TNIP1: variants seen among roughly 807,000 people sequenced by gnomAD.
TNIP1 encodes TNFAIP3-interacting protein 1.
Under a neutral mutation model 86.6 loss-of-function variants are expected in TNIP1, and 22 were observed. That is an observed-to-expected ratio of 0.25 (90% CI 0.18 to 0.36). The LOEUF (loss-of-function observed/expected upper bound fraction) is 0.36. Among genes scored for constraint, TNIP1 ranks in the 10% least tolerant of loss-of-function variants. The probability of loss-of-function intolerance (pLI) is 1.00; values close to 1 mark genes in which losing one functional copy is unlikely to be tolerated. For missense variants in TNIP1, 709 were observed against 820.6 expected, an observed-to-expected ratio of 0.86 and a Z score of 1.66; for synonymous variants, 294 against 313.0, an observed-to-expected ratio of 0.94 and a Z score of 0.64.
chr5:151,060,413 T>C lies in TNIP1; in HGVS notation c.358-18A>G, dbSNP rs745363514. 4 of 1,613,726 alleles carry C rather than the reference T, an allele frequency of 2.5e-6. No homozygotes were observed. In the South Asian group the frequency reaches 4.4e-5, roughly 18 times the overall value. The stretch of plus-strand genomic sequence containing the variant: ...GAGGTGCCCTGTGCAGAAAGGAAGT[T>C]AGGTGCTGCCCGAGAGAAAAACAGC... On this transcript the variant is annotated intron_variant, in intron 4 of 17. Coordinates refer to ENST00000521591, the MANE Select transcript of TNIP1 (RefSeq NM_006058.5).
intron 3 of TNIP1, 86 bp from the exon 4 acceptor site, chr5:151,062,298 G>T: frequency 7.9e-7 from 1 of 1,262,078 alleles, no homozygotes; most frequent in East Asian, 2.4e-5. Flanking sequence ...CTTGACAAAA[G>T]GGTTCTCAGA....
At chr5:151,035,461 T>C in intron 14 of TNIP1, 121 bp downstream of exon 14, 9 of 1,441,820 alleles carry the variant, frequency 6.2e-6, no homozygotes, top group Non-Finnish European at 3.8e-6. Flanking sequence ...CAAATATGAT[T>C]GCAGAGCTGG....
chr5:151,074,155 A>G (rs953805702), intron 1 of TNIP1, among the ~76,000 whole-genome samples: 6 of 152,188 alleles, frequency 3.9e-5, no homozygotes, highest in African/African-American at 7.2e-5. Flanking sequence ...TTTTTACATT[A>G]TATCTTTTGT....
intron 7 of TNIP1, among the ~76,000 whole-genome samples, chr5:151,050,953 A>C (rs867943773): frequency 6.6e-6 from 1 of 152,236 alleles, no homozygotes; most frequent in South Asian, 2.1e-4. Context: ...CTGGGATTAC[A>C]GGTGTGAGCC....
intron 9 of TNIP1, among the ~76,000 whole-genome samples, chr5:151,043,645 C>T (rs1475443025): frequency 2.0e-5 from 3 of 151,926 alleles, no homozygotes; most frequent in Non-Finnish European, 2.9e-5. Context: ...CATGGTGGCA[C>T]GCATCTATAG....
At chr5:151,073,984 C>T (rs77864279) in intron 1 of TNIP1, among the ~76,000 whole-genome samples, 5 of 152,110 alleles carry the variant, frequency 3.3e-5, no homozygotes, top group Admixed American at 6.5e-5. Context: ...AGAAGGACCT[C>T]GGTAAGGAAC....
chr5:151,044,385 C>T (rs1758855566), intron 9 of TNIP1, among the ~76,000 whole-genome samples: 1 of 151,868 alleles, frequency 6.6e-6, no homozygotes, highest in Non-Finnish European at 1.5e-5. Context: ...ATCTGTAAAG[C>T]AGTGTGTGTA....
rs78516596 is a variant in TNIP1 at position 151,048,092 on chromosome 5, T to C, written c.846+1732A>G. ...AGCCCTCCAAGGAAGGTCACCCCCT[T>C]TGAGAAAGGGGACAGACAGGCCTGC... On this transcript the variant is annotated intron_variant, in intron 8 of 17. Transcript: ENST00000521591. Among the ~76,000 whole-genome samples the C allele has an allele frequency of 7.4e-3, 1,121 of 152,108 alleles. 19 individuals are homozygous for C. Among genetic ancestry groups the C allele is most frequent in the African/African-American group, 0.026 (1,070 of 41,494 alleles).
chr5:151,064,131 G>A (rs1364662477), intron 2 of TNIP1, among the ~76,000 whole-genome samples: 2 of 152,354 alleles, frequency 1.3e-5, no homozygotes, highest in South Asian at 4.1e-4. Flanking sequence ...GCAAAGGGCT[G>A]CCTGCAGGGC....
chr5:151,048,032 A>G (rs1323986899), intron 8 of TNIP1, among the ~76,000 whole-genome samples: 1 of 152,202 alleles, frequency 6.6e-6, no homozygotes, highest in African/African-American at 2.4e-5. Context: ...CAGGCCTGTA[A>G]GCACACCATA....
intron 1 of TNIP1, among the ~76,000 whole-genome samples, chr5:151,074,309 A>AGAC (rs1763142900): frequency 6.6e-6 from 1 of 152,194 alleles, no homozygotes; most frequent in African/African-American, 2.4e-5. Context: ...GCTACTCCAG[A>AGAC]GACAGACGCA....
At chr5:151,073,449 C>T (rs533227354) in intron 1 of TNIP1, among the ~76,000 whole-genome samples, 1 of 152,126 alleles carries the variant, frequency 6.6e-6, no homozygotes, top group South Asian at 2.1e-4. Context: ...ACCATTCATT[C>T]GATGGAATAC....
chr5:151,045,626 G>T (rs1231935976), intron 9 of TNIP1, among the ~76,000 whole-genome samples: 1 of 152,174 alleles, frequency 6.6e-6, no homozygotes, highest in Non-Finnish European at 1.5e-5. Flanking sequence ...TTTAGGCCAT[G>T]CCCCACATGC....
intron 3 of TNIP1, 139 bp downstream of exon 3, chr5:151,063,474 A>C: frequency 1.5e-6 from 2 of 1,332,034 alleles, no homozygotes; most frequent in Admixed American, 4.5e-5. Context: ...TGGCAGCCAA[A>C]ACATGAATGG....
At chr5:151,070,590 CCAA>C (rs1762722009) in intron 1 of TNIP1, among the ~76,000 whole-genome samples, 1 of 152,198 alleles carries the variant, frequency 6.6e-6, no homozygotes, top group South Asian at 2.1e-4. Flanking sequence ...GCCACACTCA[CCAA>C]CAACTGGGAA....
chr5:151,062,736 G>A (rs1761739869), intron 3 of TNIP1, among the ~76,000 whole-genome samples: 1 of 152,162 alleles, frequency 6.6e-6, no homozygotes. Context: ...CACTCTGAGA[G>A]TGGACCTGGC....
At chr5:151,067,697 TC>T (rs1334515830) in intron 1 of TNIP1, among the ~76,000 whole-genome samples, 1 of 152,220 alleles carries the variant, frequency 6.6e-6, no homozygotes. Flanking sequence ...TGCCAGGGTA[TC>T]TTCAGAGTGG....
intron 3 of TNIP1, among the ~76,000 whole-genome samples, chr5:151,063,054 C>T (rs1170887584): frequency 1.3e-5 from 2 of 152,222 alleles, no homozygotes; most frequent in African/African-American, 4.8e-5. Context: ...CTCTACCATA[C>T]ATGGGACTTC....
At chr5:151,076,980 A>G (rs1409877415) in intron 1 of TNIP1, among the ~76,000 whole-genome samples, 1 of 152,244 alleles carries the variant, frequency 6.6e-6, no homozygotes, top group East Asian at 1.9e-4. Flanking sequence ...CAAGTGGCAG[A>G]GGGTTGAAGG....
Sources: gnomAD v4.1 joint callset for allele counts (sites outside exome capture counted in the v4.1 genomes callset) on GRCh38, gnomAD v4.1.1 for gene constraint, MANE v1.5 for transcripts, NCBI Gene and HGNC (gene_info 2026-07-23, HGNC 2026-07-21) for gene names.